Variants in SREBF2 observed in about 807,000 individuals in gnomAD.
The protein encoded by SREBF2 is sterol regulatory element binding transcription factor 2, also known as sterol regulatory element-binding protein 2.
In SREBF2, 55 loss-of-function variants were observed where a neutral mutation model predicts 113.1. The observed-to-expected ratio is 0.49, with a 90% CI of 0.39 to 0.61. The LOEUF (loss-of-function observed/expected upper bound fraction) is 0.61, where lower values mean the gene tolerates loss of function less well. Among genes scored for constraint, SREBF2 ranks in the 20% least tolerant of loss-of-function variants. The pLI, the probability that SREBF2 is intolerant of heterozygous loss-of-function variation, is 0.00. For synonymous variants in SREBF2, 593 were observed against 605.7 expected, an observed-to-expected ratio of 0.98 and a Z score of 0.31; for missense variants, 1,349 against 1,487.4, an observed-to-expected ratio of 0.91 and a Z score of 1.53.
At chr22:41,866,789 T>C in intron 1 of SREBF2, 42 bp from the exon 2 acceptor site, 1 of 1,610,148 alleles carries the variant, frequency 6.2e-7, no homozygotes, top group Non-Finnish European at 8.5e-7. Flanking sequence ...AAAGTTCACT[T>C]TTTGGATAGC....
intron 3 of SREBF2, among the ~76,000 whole-genome samples, chr22:41,870,115 A>C (rs1013679409): frequency 2.6e-5 from 4 of 152,126 alleles, no homozygotes; most frequent in Non-Finnish European, 5.9e-5. Context: ...TGGTCTCCCA[A>C]AGTGCTGGGA....
chr22:41,903,511 C>G (rs781087695), intron 17 of SREBF2, among the ~76,000 whole-genome samples: 4 of 152,136 alleles, frequency 2.6e-5, no homozygotes, highest in African/African-American at 9.7e-5. Context: ...GGCCTGGTCC[C>G]GAGCTCCACG....
chr22:41,875,462 TGAGAAAA>T lies in SREBF2; in HGVS notation c.1204+13_1204+19del, dbSNP rs1275980892. On this transcript the variant is annotated intron_variant, in intron 6 of 18. Coordinates refer to ENST00000361204, the MANE Select transcript of SREBF2 (RefSeq NM_004599.4). ...CAAATCAAAAGAACAGTAAGTGTGC[TGAGAAAA>T]GGCTTGTCAGCCCTGGCCCAGGTGG... 3 of 1,614,238 alleles carry T rather than the reference TGAGAAAA, an allele frequency of 1.9e-6. No homozygotes were observed. Among genetic ancestry groups the T allele is most frequent in the Admixed American group, 3.3e-5 (2 of 60,032 alleles).
At position 41,880,849 on chromosome 22, in the gene SREBF2, G is replaced by A. The variant is rs377649542; in HGVS notation, c.1895G>A (p.Arg632His). 8.9e-5 allele frequency: 144 copies of A among 1,614,030 alleles called. No individual in the cohort carries two copies. The East Asian group carries it at 2.0e-3, about 23-fold the overall frequency. The change falls in exon 10 of 19, where the codon CGC becomes CAC. Residue 632 changes from arginine to histidine, a missense_variant. Arg to His is a conservative substitution (Grantham distance 29, BLOSUM62 0). This residue lies in a region of SREBF2 where 699 missense variants were observed against 843.3 expected (regional missense o/e 0.83). Coordinates refer to ENST00000361204, the MANE Select transcript of SREBF2 (RefSeq NM_004599.4). ...ATCCGCTACAGCCTGCAGAAGCTAC[G>A]CCTGGTGCGCTGGCTGCTCAAGAAA... ...NVIRYSLQKL[R>H]LVRWLLKKVF...
At chr22:41,893,401 C>CGTTT (rs150115715) in intron 12 of SREBF2, 116 bp downstream of exon 12, 50,543 of 1,131,702 alleles carry the variant, frequency 0.045, 1,420 homozygotes, top group East Asian at 0.063. Context: ...TTGTTGAGTC[C>CGTTT]GTTTGTTTGT....
chr22:41,836,425 C>A (rs1321475712), intron 1 of SREBF2, among the ~76,000 whole-genome samples: 2 of 152,212 alleles, frequency 1.3e-5, no homozygotes, highest in Non-Finnish European at 2.9e-5. Flanking sequence ...GCTGGCTTAG[C>A]AGGAAGACCA....
At chr22:41,838,530 C>T (rs762541745) in intron 1 of SREBF2, among the ~76,000 whole-genome samples, 2 of 151,952 alleles carry the variant, frequency 1.3e-5, no homozygotes, top group Non-Finnish European at 2.9e-5. Context: ...GTCAGGAGTT[C>T]GAGACCAGCT....
At chr22:41,871,081 C>T in intron 4 of SREBF2, 46 bp downstream of exon 4, 2 of 1,611,850 alleles carry the variant, frequency 1.2e-6, no homozygotes, top group East Asian at 4.5e-5. Flanking sequence ...CCCTTTATTC[C>T]TGGAGGTGTT....
chr22:41,864,238 A>G (rs1273632497), intron 1 of SREBF2, among the ~76,000 whole-genome samples: 1 of 83,034 alleles, frequency 1.2e-5, no homozygotes, highest in Admixed American at 1.6e-4. Flanking sequence ...ATATATATAT[A>G]TATATATATA....
At chr22:41,861,747 A>T (rs752704815) in intron 1 of SREBF2, among the ~76,000 whole-genome samples, 34 of 151,984 alleles carry the variant, frequency 2.2e-4, no homozygotes, top group Middle Eastern at 3.4e-3. Flanking sequence ...ACATGGTGAA[A>T]CCCTGTCTCT....
chr22:41,894,683 A>C (rs1490301009), intron 12 of SREBF2, 137 bp from the exon 13 acceptor site: 2 of 799,632 alleles, frequency 2.5e-6, no homozygotes, highest in Non-Finnish European at 4.5e-6. Flanking sequence ...TTAGCACAGT[A>C]GTTCTGGGCT....
chr22:41,878,553 G>T, intron 9 of SREBF2: 1 of 671,324 alleles, frequency 1.5e-6, no homozygotes, highest in Non-Finnish European at 2.3e-6. Context: ...ATTGGAGAGG[G>T]CTTTCACTAG....
At chr22:41,865,023 C>G (rs2077062535) in intron 1 of SREBF2, among the ~76,000 whole-genome samples, 1 of 152,178 alleles carries the variant, frequency 6.6e-6, no homozygotes, top group African/African-American at 2.4e-5. Context: ...AAGTGACCCT[C>G]CCACCTTGGC....
chr22:41,906,207 CTG>C lies in SREBF2; in HGVS notation c.*548_*549del, dbSNP rs1172123683. The stretch of plus-strand genomic sequence containing the variant: ...TCTGCGTTCCCTCCCCTGGGCCTGA[CTG>C]AGCCTGCTCATTGTTTTTCCCTTTA... On this transcript the variant is annotated 3_prime_UTR_variant, in exon 19 of 19. Coordinates refer to ENST00000361204, the MANE Select transcript of SREBF2 (RefSeq NM_004599.4). The C allele has an allele frequency of 2.9e-6, 1 of 349,654 alleles. No individual in the cohort carries two copies. Among genetic ancestry groups the C allele is most frequent in the Non-Finnish European group, 5.6e-6 (1 of 178,854 alleles). 21.7% of individuals were successfully genotyped at this position (349,654 alleles called of 1,614,324 possible).
At chr22:41,851,077 C>T (rs921432308) in intron 1 of SREBF2, among the ~76,000 whole-genome samples, 10 of 152,116 alleles carry the variant, frequency 6.6e-5, no homozygotes, top group Non-Finnish European at 2.9e-5. Context: ...ATATTGGTCT[C>T]AGGGTTGATA....
chr22:41,867,057 C>T lies in SREBF2; in HGVS notation c.315C>T (p.Ala105=). The change falls in exon 2 of 19, where the codon GCC becomes GCT. Residue 105 remains alanine (A), a synonymous_variant. Coordinates refer to ENST00000361204, the MANE Select transcript of SREBF2 (RefSeq NM_004599.4). ...VTLPSFSPSA[A]SPQAPTLQVK... ...TACCTTCCTTCTCTCCCTCGGCGGC[C>T]TCCCCACAGGCTCCAACTCTGCAAG... 6.2e-7 allele frequency: 1 copy of T among 1,614,182 alleles called. No individual in the cohort carries two copies. Among genetic ancestry groups the T allele is most frequent in the South Asian group, 1.1e-5 (1 of 91,086 alleles).
chr22:41,887,301 A>G (rs562380149), intron 11 of SREBF2, among the ~76,000 whole-genome samples: 1 of 152,326 alleles, frequency 6.6e-6, no homozygotes, highest in South Asian at 2.1e-4. Flanking sequence ...CACAGAGTAA[A>G]CACACCCTTA....
intron 11 of SREBF2, among the ~76,000 whole-genome samples, chr22:41,892,764 C>G (rs1569406645): frequency 6.6e-6 from 1 of 152,180 alleles, no homozygotes; most frequent in Non-Finnish European, 1.5e-5. Flanking sequence ...CCCTGAGACC[C>G]CTCCTTGGGA....
chr22:41,876,217 T>C (rs2077196685), intron 7 of SREBF2, among the ~76,000 whole-genome samples: 1 of 152,226 alleles, frequency 6.6e-6, no homozygotes. Flanking sequence ...TTTAATGGAA[T>C]TACTTAAGAG....
Sources: allele counts gnomAD v4.1 joint callset (sites outside exome capture counted in the v4.1 genomes callset), GRCh38; gene constraint gnomAD v4.1.1; regional missense constraint gnomAD v4.1.1; transcripts MANE v1.5; gene names NCBI Gene and HGNC (gene_info 2026-07-23, HGNC 2026-07-21).